Variants in ZDHHC2 observed in about 807,000 individuals in gnomAD.
ZDHHC2 encodes palmitoyltransferase ZDHHC2.
Under a neutral mutation model 55.6 loss-of-function variants are expected in ZDHHC2, and 51 were observed. The ratio of observed to expected loss-of-function variants is 0.92; its 90% CI spans 0.73 to 1.16. The LOEUF is 1.16. ZDHHC2 is among the 50% of genes most tolerant of loss of function. The pLI is 0.00. For missense variants in ZDHHC2, 491 were observed against 442.4 expected (o/e 1.11, Z -0.99); for synonymous variants, 199 against 152.9 (o/e 1.30, Z -2.22).
At chr8:17,212,383 A>G (rs1807428757) in intron 10 of ZDHHC2, among the ~76,000 whole-genome samples, 1 of 151,932 alleles carries the variant, frequency 6.6e-6, no homozygotes, top group South Asian at 2.1e-4. Context: ...CTAAACCAGA[A>G]TCTCCTCCAT....
intron 1 of ZDHHC2, among the ~76,000 whole-genome samples, chr8:17,175,132 A>G (rs1805064086): frequency 2.0e-5 from 3 of 151,946 alleles, no homozygotes; most frequent in East Asian, 1.9e-4. Context: ...CTGTTTAGAG[A>G]TGTGTTCTGA....
chr8:17,186,229 T>C (rs1026092514), intron 2 of ZDHHC2, 102 bp from the exon 3 acceptor site: 2 of 707,010 alleles, frequency 2.8e-6, no homozygotes, highest in African/African-American at 1.9e-5. Flanking sequence ...TGTATTATAA[T>C]TGGTAATTTG....
chr8:17,195,777 T>C (rs573850618), intron 4 of ZDHHC2, among the ~76,000 whole-genome samples, 153 bp downstream of exon 4: 2 of 152,356 alleles, frequency 1.3e-5, no homozygotes, highest in South Asian at 4.1e-4. Context: ...TCCTGTGTGA[T>C]TCCATAAAAC....
chr8:17,198,330 T>A lies in ZDHHC2; in HGVS notation c.444-51T>A. ...TAATTTATATTTTTATAATTTAATA[T>A]GATTAAAATTTCATGGGGTATTAGG... On this transcript the variant is annotated intron_variant, in intron 5 of 12. Transcript: ENST00000262096. 4 of 1,486,328 alleles carry A rather than the reference T, an allele frequency of 2.7e-6. No homozygotes were observed. The Admixed American group carries it at 8.6e-5, about 32-fold the overall frequency. 92.1% of individuals were successfully genotyped at this position (1,486,328 alleles called of 1,614,324 possible). A position where few individuals can be genotyped will look rare whatever the true frequency, so the allele number is the denominator to read the frequency against.
At chr8:17,199,503 T>G (rs79125601) in intron 6 of ZDHHC2, among the ~76,000 whole-genome samples, 31,073 of 61,988 alleles carry the variant, frequency 0.5, 5,005 homozygotes, top group East Asian at 0.58. Context: ...CTTCTTCTTC[T>G]TCTTCTTCTT....
chr8:17,214,231 C>A (rs1427011294), intron 10 of ZDHHC2, among the ~76,000 whole-genome samples: 1 of 152,138 alleles, frequency 6.6e-6, no homozygotes, highest in Non-Finnish European at 1.5e-5. Flanking sequence ...TGATGTATGG[C>A]ATTTCCACCT....
intron 1 of ZDHHC2, among the ~76,000 whole-genome samples, chr8:17,175,546 T>C (rs1001244576): frequency 3.9e-5 from 6 of 152,224 alleles, no homozygotes; most frequent in Non-Finnish European, 7.3e-5. Flanking sequence ...TGTCACAGTT[T>C]GGTGATGAAT....
In ZDHHC2 at chr8:17,184,125, G is replaced by A. The variant is rs148630033; in HGVS notation, c.131-664G>A. Among the ~76,000 whole-genome samples the A allele has an allele frequency of 3.1e-3, 475 of 152,258 alleles. 4 individuals are homozygous for A. Among genetic ancestry groups the A allele is most frequent in the Non-Finnish European group, 4.6e-3 (316 of 68,012 alleles). ...AAAACAAATAGACAATACAAAAGGC[G>A]TACATATGTCTTGATTACTAAATAC... On this transcript the variant is annotated intron_variant, in intron 1 of 12. Coordinates refer to ENST00000262096, the MANE Select transcript of ZDHHC2 (RefSeq NM_016353.5).
At chr8:17,158,902 G>A (rs1006226266) in intron 1 of ZDHHC2, among the ~76,000 whole-genome samples, 2 of 152,216 alleles carry the variant, frequency 1.3e-5, no homozygotes, top group African/African-American at 2.4e-5. Flanking sequence ...AAATGATTCA[G>A]AGGCACTATC....
At chr8:17,204,684 A>G (rs2959619) in intron 6 of ZDHHC2, among the ~76,000 whole-genome samples, 102,554 of 152,000 alleles carry the variant, frequency 0.67, 35,493 homozygotes, top group Non-Finnish European at 0.78. Context: ...AGGAGGAAGA[A>G]GGCTAAGCAA....
rs763631698 is a variant in ZDHHC2 at position 17,223,304 on chromosome 8, G to A, written c.*3083G>A. On this transcript the variant is annotated 3_prime_UTR_variant, in exon 13 of 13. Coordinates refer to ENST00000262096, the MANE Select transcript of ZDHHC2 (RefSeq NM_016353.5). The stretch of plus-strand genomic sequence containing the variant: ...AAATGGTAAATGCAAAGCAGTTTAC[G>A]TTGTAAATCATGATGGTGTCCTCCA... 1.8e-4 allele frequency: 27 copies of A among 151,770 alleles called. No individual in the cohort carries two copies. The highest frequency in any genetic ancestry group is 8.6e-4 in the Admixed American group (13 of 15,198). The allele number at this position is 151,770 out of a possible 1,614,324, so 9.4% of individuals were successfully genotyped here.
Position 17,209,922 on chromosome 8 carries a change from CT to C in ZDHHC2, c.731-3del, listed in dbSNP as rs1035397187. Reference sequence around the variant, plus strand: ...TTTACTCATGTGATTCCTTTACCATCTTTTTTTAGAGGCATTCAGAAGTCCA... The same window carrying C: ...TTTACTCATGTGATTCCTTTACCATCTTTTTTAGAGGCATTCAGAAGTCCA... On this transcript the variant is annotated splice_polypyrimidine_tract_variant and intron_variant, in intron 8 of 12. Coordinates refer to ENST00000262096, the MANE Select transcript of ZDHHC2 (RefSeq NM_016353.5). 1.2e-6 allele frequency: 2 copies of C among 1,602,750 alleles called. No individual in the cohort carries two copies. Among genetic ancestry groups the C allele is most frequent in the Non-Finnish European group, 8.5e-7 (1 of 1,175,622 alleles).
chr8:17,195,791 A>G (rs542574961), intron 4 of ZDHHC2, among the ~76,000 whole-genome samples, 167 bp downstream of exon 4: 1 of 152,336 alleles, frequency 6.6e-6, no homozygotes, highest in East Asian at 1.9e-4. Flanking sequence ...ATAAAACAGA[A>G]TGGAAACACG....
intron 1 of ZDHHC2, chr8:17,162,935 A>G (rs1252879549): frequency 2.0e-5 from 3 of 152,196 alleles, no homozygotes; most frequent in African/African-American, 7.2e-5. Flanking sequence ...CTTACCACAT[A>G]TATTTAGTGG....
intron 1 of ZDHHC2, among the ~76,000 whole-genome samples, chr8:17,171,714 G>C (rs962789550): frequency 4.0e-5 from 6 of 151,738 alleles, no homozygotes; most frequent in Non-Finnish European, 8.8e-5. Flanking sequence ...TCCGCCACGT[G>C]TGACAACATG....
At chr8:17,197,787 G>A in intron 5 of ZDHHC2, 136 bp downstream of exon 5, 1 of 960,258 alleles carries the variant, frequency 1.0e-6, no homozygotes, top group Non-Finnish European at 1.5e-6. Context: ...AATGGAGTTG[G>A]TATAACCCGC....
intron 1 of ZDHHC2, among the ~76,000 whole-genome samples, chr8:17,163,201 A>G (rs1804436893): frequency 6.6e-6 from 1 of 152,194 alleles, no homozygotes; most frequent in Non-Finnish European, 1.5e-5. Context: ...CCTGAGGAAC[A>G]GCCTTTGGAA....
At chr8:17,185,107 T>G (rs527675798) in intron 2 of ZDHHC2, among the ~76,000 whole-genome samples, 1 of 152,338 alleles carries the variant, frequency 6.6e-6, no homozygotes, top group South Asian at 2.1e-4. Flanking sequence ...CTGAGTCACC[T>G]ACATAATTTA....
At chr8:17,162,080 A>G (rs1219837669) in intron 1 of ZDHHC2, among the ~76,000 whole-genome samples, 5 of 152,310 alleles carry the variant, frequency 3.3e-5, no homozygotes, top group South Asian at 2.1e-4. Context: ...TTTAATATAA[A>G]TGGTCAAGTC....
Sources: gnomAD v4.1 joint callset for allele counts (sites outside exome capture counted in the v4.1 genomes callset) on GRCh38, gnomAD v4.1.1 for gene constraint, MANE v1.5 for transcripts, NCBI Gene and HGNC (gene_info 2026-07-23, HGNC 2026-07-21) for gene names.